Variants in ZC2HC1A observed in about 807,000 individuals in gnomAD.
ZC2HC1A encodes the protein zinc finger C2HC domain-containing protein 1A.
A neutral mutation model predicts 40.7 loss-of-function variants in ZC2HC1A; 28 were observed. That is an observed-to-expected ratio of 0.69 (90% CI 0.51 to 0.94). ZC2HC1A has a LOEUF of 0.94. Ranked by LOEUF, ZC2HC1A falls within the 40% of genes least tolerant of loss-of-function variation. The pLI is 0.00. For missense variants in ZC2HC1A, 389 were observed against 386.3 expected (o/e 1.01, Z -0.06); for synonymous variants, 129 against 129.2 (o/e 1.00, Z 0.01).
chr8:78,683,822 G>A lies in ZC2HC1A; in HGVS notation c.211-2645G>A, dbSNP rs563405866. Among the ~76,000 whole-genome samples the A allele has an allele frequency of 2.0e-5, 3 of 152,230 alleles. No homozygotes were observed. In the East Asian group the frequency reaches 5.8e-4, roughly 29 times the overall value. On this transcript the variant is annotated intron_variant, in intron 3 of 8. Coordinates refer to ENST00000263849, the MANE Select transcript of ZC2HC1A (RefSeq NM_016010.3). ...TTCCTCTTGAATGCTTTGCTCCCCA[G>A]AAATTTCTTCCACCAGAAACCTTAA...
At position 78,691,621 on chromosome 8, in the gene ZC2HC1A, T is replaced by G. The variant is rs1810213805; in HGVS notation, c.504+2248T>G. Among the ~76,000 whole-genome samples the G allele has an allele frequency of 2.6e-5, 4 of 152,196 alleles. 1 individual carries two copies. In the South Asian group the frequency reaches 8.3e-4, roughly 31 times the overall value. On this transcript the variant is annotated intron_variant, in intron 5 of 8. Coordinates refer to ENST00000263849, the MANE Select transcript of ZC2HC1A (RefSeq NM_016010.3). ...TTAGGTCTGCCATCTGTTTTCTCCT[T>G]TTGTAATTTTTTTAAAAATTCACCA...
intron 8 of ZC2HC1A, among the ~76,000 whole-genome samples, chr8:78,715,593 GGAA>G (rs1811076746): frequency 6.6e-6 from 1 of 152,136 alleles, no homozygotes; most frequent in African/African-American, 2.4e-5. Context: ...ATAAGAGTTT[GGAA>G]GAAGTTGTTC....
chr8:78,712,819 A>C (rs1358072215), intron 7 of ZC2HC1A, among the ~76,000 whole-genome samples: 1 of 152,212 alleles, frequency 6.6e-6, no homozygotes, highest in Non-Finnish European at 1.5e-5. Flanking sequence ...TATACCTATT[A>C]ATGGTGGAAA....
intron 5 of ZC2HC1A, among the ~76,000 whole-genome samples, chr8:78,696,696 A>AGG (rs1810428123): frequency 6.6e-6 from 1 of 152,216 alleles, no homozygotes; most frequent in South Asian, 2.1e-4. Flanking sequence ...TGGTCTGGTG[A>AGG]GGATCGTGAA....
intron 5 of ZC2HC1A, among the ~76,000 whole-genome samples, chr8:78,693,680 G>C (rs758871086): frequency 5.3e-5 from 8 of 152,080 alleles, no homozygotes; most frequent in Non-Finnish European, 1.0e-4. Flanking sequence ...CATTCTGTAG[G>C]TTGCCTGTTC....
intron 7 of ZC2HC1A, among the ~76,000 whole-genome samples, chr8:78,701,211 C>T (rs893038007): frequency 6.6e-6 from 1 of 152,078 alleles, no homozygotes; most frequent in African/African-American, 2.4e-5. Flanking sequence ...CTTTCACCTC[C>T]CCAGTTACCT....
In ZC2HC1A at chr8:78,669,750, G is replaced by T. The variant is rs1326039062; in HGVS notation, c.16+3586G>T. On this transcript the variant is annotated intron_variant, in intron 1 of 8. Transcript: ENST00000263849. ...TGACCATCTCTTCTCCCCTTACTTTGTTCTACCTTCATTGTGGTTATCACC... is the reference window on the plus strand; with the variant it reads ...TGACCATCTCTTCTCCCCTTACTTTTTTCTACCTTCATTGTGGTTATCACC... 3.3e-5 allele frequency among the ~76,000 whole-genome samples: 5 copies of T among 151,866 alleles called. No homozygotes were observed. The East Asian group carries it at 9.6e-4, about 29-fold the overall frequency.
rs964446404 is a variant in ZC2HC1A, at chr8:78,718,147, A to G, written c.*654A>G. On this transcript the variant is annotated 3_prime_UTR_variant, in exon 9 of 9. Coordinates refer to ENST00000263849, the MANE Select transcript of ZC2HC1A (RefSeq NM_016010.3). ...TCCTTTTCAAATACACAAGACTAAA[A>G]ATACAAATCTATCTTGTTCTATTTA... 6.6e-6 allele frequency: 1 copy of G among 152,060 alleles called. No individual in the cohort carries two copies. The highest frequency in any genetic ancestry group is 1.5e-5 in the Non-Finnish European group (1 of 67,922). 9.4% of individuals were successfully genotyped at this position (152,060 alleles called of 1,614,324 possible).
chr8:78,687,002 T>A (rs1013491497), intron 4 of ZC2HC1A, among the ~76,000 whole-genome samples: 6 of 152,110 alleles, frequency 3.9e-5, no homozygotes, highest in African/African-American at 1.4e-4. Context: ...GAGATTGATA[T>A]AAAAAAAATC....
At chr8:78,716,552 T>C (rs1473003123) in intron 8 of ZC2HC1A, among the ~76,000 whole-genome samples, 1 of 152,158 alleles carries the variant, frequency 6.6e-6, no homozygotes, top group Non-Finnish European at 1.5e-5. Context: ...AAGCATCACC[T>C]CACAATCCTT....
At chr8:78,672,292 A>G (rs1809455973) in intron 1 of ZC2HC1A, among the ~76,000 whole-genome samples, 1 of 152,200 alleles carries the variant, frequency 6.6e-6, no homozygotes, top group African/African-American at 2.4e-5. Flanking sequence ...AGAGAAAGGT[A>G]CAGCCACTTT....
intron 5 of ZC2HC1A, among the ~76,000 whole-genome samples, chr8:78,692,688 A>T (rs930559198): frequency 3.3e-5 from 5 of 152,054 alleles, no homozygotes; most frequent in African/African-American, 9.7e-5. Context: ...TAGGATGGTT[A>T]TATAGCCACT....
At chr8:78,712,569 C>T (rs1405869701) in intron 7 of ZC2HC1A, among the ~76,000 whole-genome samples, 1 of 152,066 alleles carries the variant, frequency 6.6e-6, no homozygotes, top group Non-Finnish European at 1.5e-5. Context: ...ATCCAAGGGT[C>T]CTTAGTCTTT....
At chr8:78,689,534 A>G (rs1236771933) in intron 5 of ZC2HC1A, among the ~76,000 whole-genome samples, 161 bp downstream of exon 5, 4 of 151,982 alleles carry the variant, frequency 2.6e-5, no homozygotes, top group African/African-American at 9.7e-5. Context: ...TTTAGCTCTT[A>G]TATCTGTAAA....
intron 1 of ZC2HC1A, among the ~76,000 whole-genome samples, chr8:78,673,925 C>G (rs559371222): frequency 2.3e-3 from 344 of 151,768 alleles, no homozygotes; most frequent in African/African-American, 7.9e-3. Flanking sequence ...GGTATTGTAT[C>G]TGTTTATGCC....
chr8:78,684,912 A>G (rs1311330223), intron 3 of ZC2HC1A, among the ~76,000 whole-genome samples: 1 of 152,208 alleles, frequency 6.6e-6, no homozygotes, highest in African/African-American at 2.4e-5. Flanking sequence ...TCGACCTAAT[A>G]AAGATTTTAA....
chr8:78,675,075 C>CT lies in ZC2HC1A; in HGVS notation c.17-703dup, dbSNP rs530185074. Reference sequence around the variant, plus strand: ...AATGCAGTTTCTTTTTTTGTAGTTTCTTTTTTTTTCTTTTTAGTAATAACA... The same window carrying CT: ...AATGCAGTTTCTTTTTTTGTAGTTTCTTTTTTTTTTCTTTTTAGTAATAACA... On this transcript the variant is annotated intron_variant, in intron 1 of 8. Transcript: ENST00000263849. 5.9e-3 allele frequency among the ~76,000 whole-genome samples: 879 copies of CT among 149,908 alleles called. 6 individuals are homozygous for CT. The highest frequency in any genetic ancestry group is 0.02 in the African/African-American group (828 of 41,028).
chr8:78,711,879 A>G (rs572218143), intron 7 of ZC2HC1A: 1 of 523,156 alleles, frequency 1.9e-6, no homozygotes, highest in Non-Finnish European at 3.1e-6. Context: ...GATAAAATTA[A>G]GGACTTGGGG....
chr8:78,691,507 C>A (rs1354039338), intron 5 of ZC2HC1A, among the ~76,000 whole-genome samples: 11 of 151,780 alleles, frequency 7.2e-5, no homozygotes, highest in Admixed American at 7.2e-4. Flanking sequence ...TTTTGTATTT[C>A]TTTTTTTAAA....
Sources: allele counts gnomAD v4.1 joint callset (sites outside exome capture counted in the v4.1 genomes callset), GRCh38; gene constraint gnomAD v4.1.1; transcripts MANE v1.5; gene names NCBI Gene and HGNC (gene_info 2026-07-23, HGNC 2026-07-21).